The following GEMIN5 variants were observed in gnomAD, a reference collection of about 807,000 sequenced individuals.
GEMIN5 encodes gem-associated protein 5.
A neutral mutation model predicts 176.9 loss-of-function variants in GEMIN5; 124 were observed. The ratio of observed to expected loss-of-function variants is 0.70; its 90% CI spans 0.61 to 0.81. GEMIN5 has a LOEUF of 0.81. GEMIN5 is among the 40% of genes least tolerant of loss of function. The pLI, the probability that GEMIN5 is intolerant of heterozygous loss-of-function variation, is 0.00. For synonymous variants in GEMIN5, 673 were observed against 665.2 expected, an observed-to-expected ratio of 1.01 and a Z score of -0.18; for missense variants, 1,843 against 1,814.6, an observed-to-expected ratio of 1.02 and a Z score of -0.28.
intron 23 of GEMIN5, 151 bp downstream of exon 23, chr5:154,898,289 C>G: frequency 1.4e-6 from 1 of 694,176 alleles, no homozygotes. Context: ...ACTAACAAGT[C>G]ATAGTACTTC....
At position 154,911,675 on chromosome 5, in the gene GEMIN5, A is replaced by G. The variant is rs1763702113; in HGVS notation, c.2167+52T>C. ...TCCTTGCTCAATCCTGATCAACTCA[A>G]TTATTAAGAAAGGGAGAAAAAGAAT... On this transcript the variant is annotated intron_variant, in intron 15 of 27. Coordinates refer to ENST00000285873, the MANE Select transcript of GEMIN5 (RefSeq NM_015465.5). 2.0e-6 allele frequency: 3 copies of G among 1,474,836 alleles called. No homozygotes were observed. In the East Asian group the frequency reaches 6.8e-5, roughly 33 times the overall value. 91.4% of individuals were successfully genotyped at this position (1,474,836 alleles called of 1,614,324 possible). A position where few individuals can be genotyped will look rare whatever the true frequency, so the allele number is the denominator to read the frequency against.
intron 17 of GEMIN5, 52 bp downstream of exon 17, chr5:154,905,311 A>G: frequency 1.2e-6 from 1 of 832,598 alleles, no homozygotes; most frequent in Non-Finnish European, 2.0e-6. Flanking sequence ...AATATATGTA[A>G]TATTTTAGGC....
chr5:154,899,183 AG>A lies in GEMIN5; in HGVS notation c.3134+7del. 1 of 1,607,608 alleles carries A rather than the reference AG, an allele frequency of 6.2e-7. No individual in the cohort carries two copies. The stretch of plus-strand genomic sequence containing the variant: ...TGTTGGAAGCATCCCTCCACTCCTC[AG>A]GCTTACCATTTGGCAGCTACAGCAT... On this transcript the variant is annotated splice_region_variant and intron_variant, in intron 22 of 27. Coordinates refer to ENST00000285873, the MANE Select transcript of GEMIN5 (RefSeq NM_015465.5).
At position 154,907,478 on chromosome 5, in the gene GEMIN5, T is replaced by C. The variant is rs1053780347; in HGVS notation, c.2395+113A>G. On this transcript the variant is annotated intron_variant, in intron 16 of 27. Transcript: ENST00000285873. The stretch of plus-strand genomic sequence containing the variant: ...GCTTAACAAAAAAAACTAATGCTGT[T>C]TCCAAGAGTTGGAAAAATGGGAACA... The C allele has an allele frequency of 4.7e-5, 32 of 684,592 alleles. No individual in the cohort carries two copies. The East Asian group carries it at 8.9e-4, about 19-fold the overall frequency. 42.4% of individuals were successfully genotyped at this position (684,592 alleles called of 1,614,324 possible).
intron 3 of GEMIN5, among the ~76,000 whole-genome samples, chr5:154,933,533 T>C (rs1406592613): frequency 6.6e-6 from 1 of 152,228 alleles, no homozygotes; most frequent in Non-Finnish European, 1.5e-5. Context: ...AATTTCAGGT[T>C]TGATGACTAG....
At chr5:154,916,869 C>T in intron 13 of GEMIN5, 129 bp downstream of exon 13, 1 of 476,666 alleles carries the variant, frequency 2.1e-6, no homozygotes, top group Non-Finnish European at 3.6e-6. Context: ...ACTTTTGAAA[C>T]AGAAAAAGTA....
At chr5:154,888,477 C>T in intron 27 of GEMIN5, 100 bp from the exon 28 acceptor site, 1 of 936,322 alleles carries the variant, frequency 1.1e-6, no homozygotes, top group Non-Finnish European at 1.6e-6. Flanking sequence ...TCTATAGACA[C>T]TTCTTGGACA....
chr5:154,932,297 CAG>C, intron 3 of GEMIN5, 47 bp from the exon 4 acceptor site: 1 of 1,407,616 alleles, frequency 7.1e-7, no homozygotes. Context: ...GAAGACAGAA[CAG>C]AGTCTCTAGT....
At chr5:154,889,221 A>G in intron 27 of GEMIN5, 100 bp downstream of exon 27, 1 of 695,446 alleles carries the variant, frequency 1.4e-6, no homozygotes, top group Non-Finnish European at 2.6e-6. Flanking sequence ...GAGATTTTAG[A>G]AACTGAACAG....
chr5:154,895,948 G>A, intron 24 of GEMIN5, 144 bp downstream of exon 24: 1 of 807,342 alleles, frequency 1.2e-6, no homozygotes, highest in Non-Finnish European at 2.0e-6. Flanking sequence ...AGTCTAAAGG[G>A]ATCTTTCCAG....
intron 11 of GEMIN5, among the ~76,000 whole-genome samples, chr5:154,918,997 C>T (rs768956317): frequency 6.6e-6 from 1 of 152,108 alleles, no homozygotes; most frequent in Non-Finnish European, 1.5e-5. Context: ...GCTGAGATCG[C>T]ACCACCGCAC....
At chr5:154,909,498 T>A (rs1252479385) in intron 15 of GEMIN5, among the ~76,000 whole-genome samples, 3 of 152,142 alleles carry the variant, frequency 2.0e-5, no homozygotes, top group African/African-American at 7.2e-5. Flanking sequence ...TCATCTTTAC[T>A]GAGGGGTAAT....
chr5:154,923,348 C>T (rs1763965749), intron 9 of GEMIN5, among the ~76,000 whole-genome samples: 2 of 151,956 alleles, frequency 1.3e-5, no homozygotes, highest in East Asian at 3.9e-4. Flanking sequence ...CCACTGCACT[C>T]CAGCCTGGGC....
intron 5 of GEMIN5, among the ~76,000 whole-genome samples, chr5:154,930,717 G>A (rs1046679077): frequency 1.3e-5 from 2 of 152,216 alleles, no homozygotes; most frequent in East Asian, 1.9e-4. Flanking sequence ...TAGAATTCTG[G>A]AGATGGGTGG....
In GEMIN5 at chr5:154,909,133, A is replaced by ATTTTTTTTTTT. The variant is rs70981958; in HGVS notation, c.2168-1326_2168-1316dup. 1.5e-3 allele frequency among the ~76,000 whole-genome samples: 151 copies of ATTTTTTTTTTT among 99,632 alleles called. 2 individuals carry two copies. Among genetic ancestry groups the ATTTTTTTTTTT allele is most frequent in the Non-Finnish European group, 1.8e-3 (98 of 53,536 alleles). 65.4% of individuals were successfully genotyped at this position (99,632 alleles called of 152,430 possible). A position where few individuals can be genotyped will look rare whatever the true frequency, so the allele number is the denominator to read the frequency against. On this transcript the variant is annotated intron_variant, in intron 15 of 27. Coordinates refer to ENST00000285873, the MANE Select transcript of GEMIN5 (RefSeq NM_015465.5). ...GACACCATGCCTGGGTAATTTTTGTATTTTTTTTTTTTTTTTTTTTTGTAG... is the reference window on the plus strand; with the variant it reads ...GACACCATGCCTGGGTAATTTTTGTATTTTTTTTTTTTTTTTTTTTTTTTTTTTTTTTGTAG...
At chr5:154,913,556 G>A (rs1468767132) in intron 13 of GEMIN5, among the ~76,000 whole-genome samples, 1 of 152,172 alleles carries the variant, frequency 6.6e-6, no homozygotes, top group Non-Finnish European at 1.5e-5. Context: ...AGGCGTGTCG[G>A]CTCACGCCTA....
chr5:154,930,091 C>G (rs1582676034), intron 5 of GEMIN5, among the ~76,000 whole-genome samples: 1 of 152,076 alleles, frequency 6.6e-6, no homozygotes, highest in Admixed American at 6.5e-5. Flanking sequence ...CTGACTCATT[C>G]CGATTACCTG....
chr5:154,899,398 C>A (rs1582653899), intron 21 of GEMIN5, 88 bp from the exon 22 acceptor site: 1 of 1,126,382 alleles, frequency 8.9e-7, no homozygotes, highest in Non-Finnish European at 1.2e-6. Context: ...GACAAACTGT[C>A]CCTTTTGTGT....
intron 21 of GEMIN5, among the ~76,000 whole-genome samples, chr5:154,900,475 C>G (rs1763440171): frequency 6.6e-6 from 1 of 152,026 alleles, no homozygotes; most frequent in Admixed American, 6.6e-5. Context: ...TTTTAGATAC[C>G]AGGTAACAGG....
Sources: gnomAD v4.1 joint callset for allele counts (sites outside exome capture counted in the v4.1 genomes callset) on GRCh38, gnomAD v4.1.1 for gene constraint, MANE v1.5 for transcripts, NCBI Gene and HGNC (gene_info 2026-07-23, HGNC 2026-07-21) for gene names.